The following RBFOX1 variants were observed in gnomAD, a reference collection of about 807,000 sequenced individuals.
RBFOX1 encodes RNA binding protein fox-1 homolog 1.
In RBFOX1, 8 loss-of-function variants were observed where a neutral mutation model predicts 57.7. The ratio of observed to expected loss-of-function variants is 0.14; its 90% CI spans 0.08 to 0.25. The LOEUF (loss-of-function observed/expected upper bound fraction) is 0.25, where lower values mean the gene tolerates loss of function less well. Among genes scored for constraint, RBFOX1 ranks in the 10% least tolerant of loss-of-function variants. The pLI is 1.00. For synonymous variants in RBFOX1, 326 were observed against 222.4 expected (o/e 1.47, Z -4.15); for missense variants, 611 against 548.5 (o/e 1.11, Z -1.14).
At chr16:6,926,856 C>G (rs1000924393) in intron 3 of RBFOX1, among the ~76,000 whole-genome samples, 1 of 152,108 alleles carries the variant, frequency 6.6e-6, no homozygotes, top group Non-Finnish European at 1.5e-5. Context: ...ATCCACGTGA[C>G]TCTTTTTATT....
intron 3 of RBFOX1, among the ~76,000 whole-genome samples, chr16:6,901,167 G>T (rs1425427127): frequency 6.6e-6 from 1 of 152,106 alleles, no homozygotes; most frequent in African/African-American, 2.4e-5. Flanking sequence ...TCCCATCCTA[G>T]TGTCTAACAT....
Position 6,786,901 on chromosome 16 carries a change from T to C in RBFOX1, c.-16+132251T>C, listed in dbSNP as rs1222363754. ...AGAATTGCTTAGCCGGCAGGCTTTT[T>C]TACTTTTAAAAAAAAAAAGGCTTAT... is the stretch of plus-strand genomic sequence containing the variant. On this transcript the variant is annotated intron_variant, in intron 3 of 15. Transcript: ENST00000550418. 2.4e-4 allele frequency among the ~76,000 whole-genome samples: 19 copies of C among 78,446 alleles called. No individual in the cohort carries two copies. The East Asian group carries it at 0.014, about 57-fold the overall frequency. 51.5% of individuals were successfully genotyped at this position (78,446 alleles called of 152,430 possible). A position where few individuals can be genotyped will look rare whatever the true frequency, so the allele number is the denominator to read the frequency against.
At chr16:6,332,010 G>T (rs773444916) in intron 2 of RBFOX1, among the ~76,000 whole-genome samples, 1 of 152,266 alleles carries the variant, frequency 6.6e-6, no homozygotes, top group African/African-American at 2.4e-5. Context: ...AGAAACAAGC[G>T]ATGCCTGCAG....
chr16:5,972,735 G>A (rs753279860), intron 4 of RBFOX1, among the ~76,000 whole-genome samples: 19 of 152,142 alleles, frequency 1.2e-4, no homozygotes, highest in Non-Finnish European at 2.8e-4. Context: ...AGTCTCCCCT[G>A]GGAGCTGCAC....
At chr16:6,304,915 A>G (rs569577496) in intron 1 of RBFOX1, among the ~76,000 whole-genome samples, 1 of 149,396 alleles carries the variant, frequency 6.7e-6, no homozygotes, top group East Asian at 2.0e-4. Flanking sequence ...TATATCTGAG[A>G]GACGTTGCTT....
At chr16:5,508,430 G>A (rs1046844535) in intron 2 of RBFOX1, among the ~76,000 whole-genome samples, 1 of 152,228 alleles carries the variant, frequency 6.6e-6, no homozygotes, top group Non-Finnish European at 1.5e-5. Flanking sequence ...CAAGGTAGAT[G>A]CTGCAGCCTT....
chr16:6,930,491 C>T (rs1336750190), intron 3 of RBFOX1, among the ~76,000 whole-genome samples: 2 of 151,600 alleles, frequency 1.3e-5, no homozygotes, highest in African/African-American at 4.9e-5. Context: ...CTCACTACAA[C>T]CTCTGCCTTC....
At chr16:6,320,507 A>AT (rs201760490) in intron 2 of RBFOX1, among the ~76,000 whole-genome samples, 41 of 151,758 alleles carry the variant, frequency 2.7e-4, no homozygotes, top group South Asian at 1.9e-3. Context: ...ATAAAATTTA[A>AT]TTTTTTTTTA....
chr16:7,420,657 G>T (rs943204127), intron 4 of RBFOX1, among the ~76,000 whole-genome samples: 14 of 151,364 alleles, frequency 9.2e-5, no homozygotes, highest in African/African-American at 3.4e-4. Flanking sequence ...ATGCTGCCAG[G>T]TTGAATGTTG....
chr16:5,560,562 A>G (rs1420554316), intron 2 of RBFOX1, among the ~76,000 whole-genome samples: 1 of 152,224 alleles, frequency 6.6e-6, no homozygotes, highest in Non-Finnish European at 1.5e-5. Context: ...TCATCTGTGC[A>G]TCACTGTACA....
intron 2 of RBFOX1, among the ~76,000 whole-genome samples, chr16:6,636,775 A>ATATATAT (rs2098437366): frequency 4.3e-4 from 4 of 9,214 alleles, no homozygotes; most frequent in African/African-American, 4.8e-4. Context: ...ATAATATATA[A>ATATATAT]TATATATAAT....
At chr16:6,133,180 A>G (rs900277885) in intron 1 of RBFOX1, among the ~76,000 whole-genome samples, 1 of 152,186 alleles carries the variant, frequency 6.6e-6, no homozygotes, top group East Asian at 1.9e-4. Flanking sequence ...GGGGCTCTCT[A>G]TAAGACAGGC....
chr16:5,881,478 G>A (rs760282994), intron 4 of RBFOX1, among the ~76,000 whole-genome samples: 1 of 152,062 alleles, frequency 6.6e-6, no homozygotes, highest in African/African-American at 2.4e-5. Flanking sequence ...TGAAGAGTTC[G>A]AGACCAACCT....
intron 3 of RBFOX1, among the ~76,000 whole-genome samples, chr16:5,670,298 A>T (rs541246812): frequency 2.0e-5 from 3 of 152,338 alleles, no homozygotes; most frequent in Admixed American, 6.5e-5. Flanking sequence ...AATGTTTCTC[A>T]TAATACATTT....
chr16:7,621,462 A>G (rs2059310013), intron 10 of RBFOX1, among the ~76,000 whole-genome samples: 1 of 151,926 alleles, frequency 6.6e-6, no homozygotes, highest in Non-Finnish European at 1.5e-5. Flanking sequence ...GGGTTTTGCC[A>G]TGTTCTCCAG....
chr16:6,238,936 C>T lies in RBFOX1; in HGVS notation c.-126-78059C>T, dbSNP rs757508678. 1.1e-4 allele frequency among the ~76,000 whole-genome samples: 17 copies of T among 151,854 alleles called. No individual in the cohort carries two copies. The East Asian group carries it at 2.1e-3, about 19-fold the overall frequency. On this transcript the variant is annotated intron_variant, in intron 1 of 15. Transcript: ENST00000550418. ...ATTATTTTAGTTATTTAAAATGTACCGTTAACTTATTTTTGACCATAGTCA... is the reference window on the plus strand; with the variant it reads ...ATTATTTTAGTTATTTAAAATGTACTGTTAACTTATTTTTGACCATAGTCA...
intron 14 of RBFOX1, among the ~76,000 whole-genome samples, chr16:7,706,334 T>G (rs1034120014): frequency 3.3e-5 from 5 of 152,204 alleles, no homozygotes; most frequent in Admixed American, 6.5e-5. Flanking sequence ...AGGAGGCAGC[T>G]CATTTCTGAG....
chr16:7,369,750 T>A (rs1024527091), intron 4 of RBFOX1, among the ~76,000 whole-genome samples: 1 of 152,220 alleles, frequency 6.6e-6, no homozygotes, highest in African/African-American at 2.4e-5. Context: ...GTTGTGCTTC[T>A]GTTTTGTAAT....
intron 3 of RBFOX1, among the ~76,000 whole-genome samples, chr16:5,816,479 C>T (rs916283856): frequency 6.6e-6 from 1 of 152,128 alleles, no homozygotes; most frequent in Non-Finnish European, 1.5e-5. Flanking sequence ...TGAAACTAGA[C>T]CTTGCATCTC....
Sources: allele counts gnomAD v4.1 joint callset (sites outside exome capture counted in the v4.1 genomes callset), GRCh38; gene constraint gnomAD v4.1.1; transcripts MANE v1.5; gene names NCBI Gene and HGNC (gene_info 2026-07-23, HGNC 2026-07-21).